Variants in PRKCE observed in about 807,000 individuals in gnomAD.
PRKCE encodes the protein protein kinase C epsilon type.
Under a neutral mutation model 85.4 loss-of-function variants are expected in PRKCE, and 16 were observed. The observed-to-expected ratio is 0.19, with a 90% confidence interval of 0.13 to 0.28. The LOEUF (loss-of-function observed/expected upper bound fraction) is 0.28, where lower values mean the gene tolerates loss of function less well. PRKCE is among the 10% of genes least tolerant of loss of function. The pLI is 1.00. For missense variants in PRKCE, 573 were observed against 975.2 expected (o/e 0.59, Z 5.49); for synonymous variants, 388 against 371.5 (o/e 1.04, Z -0.51).
At chr2:46,079,694 A>G (rs1263631409) in intron 10 of PRKCE, among the ~76,000 whole-genome samples, 2 of 152,234 alleles carry the variant, frequency 1.3e-5, no homozygotes, top group African/African-American at 4.8e-5. Context: ...TGCACGTATA[A>G]ACAGCTGACA....
intron 1 of PRKCE, among the ~76,000 whole-genome samples, chr2:45,717,065 G>C (rs944262418): frequency 2.0e-5 from 3 of 152,008 alleles, no homozygotes; most frequent in Admixed American, 6.5e-5. Context: ...ATTTGGGTGG[G>C]GACACAGCCA....
At chr2:45,909,310 T>G (rs1006017222) in intron 2 of PRKCE, among the ~76,000 whole-genome samples, 1 of 152,208 alleles carries the variant, frequency 6.6e-6, no homozygotes, top group Non-Finnish European at 1.5e-5. Context: ...TGCCAAGTAT[T>G]ACGAGGTGGT....
intron 14 of PRKCE, among the ~76,000 whole-genome samples, chr2:46,177,263 C>G (rs1031278852): frequency 2.0e-4 from 30 of 152,146 alleles, no homozygotes; most frequent in Admixed American, 2.0e-4. Flanking sequence ...ACTTTATATA[C>G]TTAAAAAAAT....
At chr2:45,758,068 G>A (rs560317540) in intron 1 of PRKCE, among the ~76,000 whole-genome samples, 2 of 152,334 alleles carry the variant, frequency 1.3e-5, no homozygotes, top group South Asian at 4.1e-4. Context: ...GGGGAGACCA[G>A]TACAGAGAAG....
intron 1 of PRKCE, among the ~76,000 whole-genome samples, chr2:45,823,428 A>T (rs1197619412): frequency 1.3e-5 from 2 of 152,232 alleles, no homozygotes; most frequent in African/African-American, 4.8e-5. Context: ...GATCTCATTA[A>T]ATCAGGAAAC....
intron 11 of PRKCE, among the ~76,000 whole-genome samples, chr2:46,114,647 C>T (rs1672596318): frequency 6.6e-6 from 1 of 151,400 alleles, no homozygotes; most frequent in South Asian, 2.1e-4. Context: ...TCTCGATCTC[C>T]TGACCTCGTA....
At chr2:45,979,322 C>T (rs1702700204) in intron 4 of PRKCE, among the ~76,000 whole-genome samples, 1 of 152,232 alleles carries the variant, frequency 6.6e-6, no homozygotes, top group South Asian at 2.1e-4. Flanking sequence ...GTTGGAGGCT[C>T]TTTGAAAGTC....
intron 2 of PRKCE, among the ~76,000 whole-genome samples, chr2:45,948,511 T>A (rs747968285): frequency 6.6e-6 from 1 of 152,080 alleles, no homozygotes. Flanking sequence ...TGGTGGTGTA[T>A]GCCTGTAGTC....
intron 2 of PRKCE, among the ~76,000 whole-genome samples, chr2:45,918,768 C>T (rs1558833346): frequency 2.0e-5 from 3 of 151,658 alleles, no homozygotes; most frequent in Non-Finnish European, 2.9e-5. Context: ...CTGAGGTTGG[C>T]GAGGGGGGGA....
chr2:46,131,224 G>C (rs745678592), intron 11 of PRKCE, among the ~76,000 whole-genome samples: 2 of 152,216 alleles, frequency 1.3e-5, no homozygotes, highest in Non-Finnish European at 2.9e-5. Flanking sequence ...TGGAGTCAGA[G>C]GCAGGGGTGA....
chr2:46,150,485 A>T (rs1246705118), intron 12 of PRKCE, among the ~76,000 whole-genome samples: 1 of 152,168 alleles, frequency 6.6e-6, no homozygotes, highest in Non-Finnish European at 1.5e-5. Flanking sequence ...GTGGTCCTTT[A>T]TAGGGAGACC....
At chr2:45,778,875 C>A (rs890169811) in intron 1 of PRKCE, among the ~76,000 whole-genome samples, 2 of 152,200 alleles carry the variant, frequency 1.3e-5, no homozygotes, top group South Asian at 4.1e-4. Context: ...AACTAATGGG[C>A]AGTTCTGAGC....
chr2:45,707,801 G>A (rs1010583975), intron 1 of PRKCE, among the ~76,000 whole-genome samples: 3 of 152,252 alleles, frequency 2.0e-5, no homozygotes, highest in Non-Finnish European at 4.4e-5. Flanking sequence ...TGCCTCTGAT[G>A]TGAGAGCCAG....
chr2:45,689,407 C>T (rs1395579542), intron 1 of PRKCE, among the ~76,000 whole-genome samples: 2 of 152,266 alleles, frequency 1.3e-5, no homozygotes, highest in East Asian at 3.9e-4. Flanking sequence ...CCCCCAATCC[C>T]ATTCTCTATA....
At chr2:45,877,044 C>G (rs1299155138) in intron 2 of PRKCE, among the ~76,000 whole-genome samples, 1 of 152,108 alleles carries the variant, frequency 6.6e-6, no homozygotes. Context: ...GAACTTTTAC[C>G]TTGTTTCTGG....
intron 10 of PRKCE, among the ~76,000 whole-genome samples, chr2:46,053,525 C>T (rs1365374668): frequency 6.6e-6 from 1 of 152,230 alleles, no homozygotes; most frequent in Non-Finnish European, 1.5e-5. Context: ...CCTTCAGCCC[C>T]TGACAACCAC....
At chr2:46,127,364 A>T (rs1436752880) in intron 11 of PRKCE, among the ~76,000 whole-genome samples, 2 of 152,204 alleles carry the variant, frequency 1.3e-5, no homozygotes, top group Non-Finnish European at 2.9e-5. Context: ...ACTTGTTTAT[A>T]TATATAAAAG....
At chr2:45,690,437 C>A (rs1677639876) in intron 1 of PRKCE, among the ~76,000 whole-genome samples, 1 of 152,186 alleles carries the variant, frequency 6.6e-6, no homozygotes, top group Non-Finnish European at 1.5e-5. Context: ...TCAGCAGAGG[C>A]AGGGGGCGAA....
chr2:45,802,729 T>C (rs1386465473), intron 1 of PRKCE, among the ~76,000 whole-genome samples: 1 of 152,238 alleles, frequency 6.6e-6, no homozygotes, highest in Non-Finnish European at 1.5e-5. Context: ...GGAATACACA[T>C]GAGCTTTTCT....
Sources: allele counts gnomAD v4.1 joint callset (sites outside exome capture counted in the v4.1 genomes callset), GRCh38; gene constraint gnomAD v4.1.1; transcripts MANE v1.5; gene names NCBI Gene and HGNC (gene_info 2026-07-23, HGNC 2026-07-21).